DSCAML1: variants seen among roughly 807,000 people sequenced by gnomAD.
DSCAML1 encodes cell adhesion molecule DSCAML1.
A neutral mutation model predicts 200.5 loss-of-function variants in DSCAML1; 38 were observed. The ratio of observed to expected loss-of-function variants is 0.19; its 90% CI spans 0.15 to 0.25. The LOEUF (loss-of-function observed/expected upper bound fraction) is 0.25. Among genes scored for constraint, DSCAML1 ranks in the 10% least tolerant of loss-of-function variants. The pLI, the probability that DSCAML1 is intolerant of heterozygous loss-of-function variation, is 1.00. For missense variants in DSCAML1, 2,223 were observed against 2,858.8 expected (o/e 0.78, Z 5.07); for synonymous variants, 1,215 against 1,165.0 (o/e 1.04, Z -0.87).
chr11:117,707,889 C>T (rs1015999210), intron 3 of DSCAML1, among the ~76,000 whole-genome samples: 2 of 152,210 alleles, frequency 1.3e-5, no homozygotes, highest in Non-Finnish European at 2.9e-5. Flanking sequence ...CCTTCTGAAG[C>T]AATCTCATAA....
intron 3 of DSCAML1, among the ~76,000 whole-genome samples, chr11:117,742,945 T>C (rs776879907): frequency 6.6e-6 from 1 of 152,148 alleles, no homozygotes; most frequent in African/African-American, 2.4e-5. Flanking sequence ...AGGTGGCCTC[T>C]CCCTGTCTCC....
chr11:117,552,710 C>T (rs1248583866), intron 3 of DSCAML1, among the ~76,000 whole-genome samples: 1 of 152,188 alleles, frequency 6.6e-6, no homozygotes, highest in African/African-American at 2.4e-5. Context: ...GAGGTCGAGA[C>T]AACAGGTTCA....
intron 14 of DSCAML1, among the ~76,000 whole-genome samples, chr11:117,474,239 T>C (rs1013242072): frequency 6.6e-6 from 1 of 152,256 alleles, no homozygotes; most frequent in African/African-American, 2.4e-5. Flanking sequence ...TCCTGGCTTT[T>C]TGGGTGTATT....
rs2049297517 is a variant in DSCAML1, at chr11:117,496,837, CAG to C, written c.2359+7006_2359+7007del. On this transcript the variant is annotated intron_variant, in intron 11 of 32. Transcript: ENST00000651296. ...CCTTTAATAAAACCTCCCTGCTTGT[CAG>C]GGGACCAGGGCGAGGATGGAGATTG... Among the ~76,000 whole-genome samples the C allele has an allele frequency of 2.0e-5, 3 of 152,330 alleles. No individual in the cohort carries two copies. In the South Asian group the frequency reaches 6.2e-4, roughly 32 times the overall value.
intron 3 of DSCAML1, among the ~76,000 whole-genome samples, chr11:117,684,434 C>CCAAAAAAA (rs2053366688): frequency 6.0e-5 from 3 of 50,290 alleles, no homozygotes; most frequent in Non-Finnish European, 9.0e-5. Flanking sequence ...ATTTCATTAA[C>CCAAAAAAA]TAAAAAAAAA....
At chr11:117,600,395 G>A (rs536341122) in intron 3 of DSCAML1, among the ~76,000 whole-genome samples, 1 of 152,292 alleles carries the variant, frequency 6.6e-6, no homozygotes, top group Admixed American at 6.5e-5. Context: ...TACGGTTGTA[G>A]AGCCGAATCT....
intron 1 of DSCAML1, among the ~76,000 whole-genome samples, chr11:117,796,490 C>T (rs988088637): frequency 6.6e-6 from 1 of 152,250 alleles, no homozygotes; most frequent in Admixed American, 6.5e-5. Context: ...TCTCACTATC[C>T]CCACCCTGCC....
At position 117,437,459 on chromosome 11, in the gene DSCAML1, A is replaced by AGGACT. The variant is rs747636071; in HGVS notation, c.4433-55_4433-51dup. 1.9e-6 allele frequency: 3 copies of AGGACT among 1,577,400 alleles called. No homozygotes were observed. The highest frequency in any genetic ancestry group is 2.6e-6 in the Non-Finnish European group (3 of 1,157,348). On this transcript the variant is annotated intron_variant, in intron 25 of 32. Coordinates refer to ENST00000651296, the MANE Select transcript of DSCAML1 (RefSeq NM_020693.4). This position sits in a 1 kb window ranked among gnomAD's most constrained non-coding sequence, Gnocchi z 5.3. ...AGGTTAGAGAGATTTGGTGGGAGGC[A>AGGACT]GGACTGGACTGGGCTGGGCTGGAAA...
intron 3 of DSCAML1, among the ~76,000 whole-genome samples, chr11:117,758,325 G>A (rs180677825): frequency 6.7e-6 from 1 of 150,344 alleles, no homozygotes; most frequent in Non-Finnish European, 1.5e-5. Flanking sequence ...TCTACCGTAA[G>A]TTATTTAATC....
At chr11:117,669,868 G>A (rs1193074525) in intron 3 of DSCAML1, among the ~76,000 whole-genome samples, 1 of 152,220 alleles carries the variant, frequency 6.6e-6, no homozygotes, top group Non-Finnish European at 1.5e-5. Context: ...AGCTCAATGA[G>A]CAACGGGGCC....
At chr11:117,697,846 A>G (rs1330387446) in intron 3 of DSCAML1, among the ~76,000 whole-genome samples, 1 of 148,852 alleles carries the variant, frequency 6.7e-6, no homozygotes, top group Non-Finnish European at 1.5e-5. Context: ...ATCTTGGCTC[A>G]CTGCAACCTC....
chr11:117,495,409 G>C (rs1271404293), intron 11 of DSCAML1, among the ~76,000 whole-genome samples: 1 of 152,182 alleles, frequency 6.6e-6, no homozygotes, highest in Non-Finnish European at 1.5e-5. Flanking sequence ...GCCACGTCTA[G>C]AGTCTCTGTG....
upstream of DSCAML1, among the ~76,000 whole-genome samples, chr11:117,800,266 G>A (rs553355013): frequency 7.2e-5 from 11 of 152,282 alleles, no homozygotes; most frequent in East Asian, 3.9e-4. Flanking sequence ...ATGAAACGCC[G>A]GGGAAGAGAG....
chr11:117,703,209 C>T (rs568119376), intron 3 of DSCAML1, among the ~76,000 whole-genome samples: 3 of 152,284 alleles, frequency 2.0e-5, no homozygotes, highest in East Asian at 1.9e-4. Flanking sequence ...GAATATTGCT[C>T]GGAGCTCCAG....
chr11:117,647,359 G>A (rs1212545039), intron 3 of DSCAML1, among the ~76,000 whole-genome samples: 1 of 152,224 alleles, frequency 6.6e-6, no homozygotes, highest in Non-Finnish European at 1.5e-5. Context: ...GTCTGTGCAG[G>A]AGTCCACTCC....
intron 3 of DSCAML1, chr11:117,709,816 T>C (rs1274723864): frequency 4.4e-6 from 2 of 453,658 alleles, no homozygotes; most frequent in African/African-American, 4.0e-5. Context: ...CCTAGGGAGC[T>C]GGTCCCAGCC....
Position 117,438,870 on chromosome 11 carries a change from C to A in DSCAML1, c.4243+15G>T, listed in dbSNP as rs756486208. On this transcript the variant is annotated intron_variant, in intron 24 of 32. Transcript: ENST00000651296. ...TCCTTCCCCTATCTTCCCCCGCATC[C>A]AGACCCCTCCTCACCTCGGATGGAG... 1 of 1,559,826 alleles carries A rather than the reference C, an allele frequency of 6.4e-7. No homozygotes were observed. Among genetic ancestry groups the A allele is most frequent in the South Asian group, 1.2e-5 (1 of 81,208 alleles).
intron 3 of DSCAML1, among the ~76,000 whole-genome samples, chr11:117,591,643 T>C (rs2051261242): frequency 6.6e-6 from 1 of 152,224 alleles, no homozygotes; most frequent in Non-Finnish European, 1.5e-5. Flanking sequence ...TTGCATTCCT[T>C]CGGAGTCCTC....
At chr11:117,431,311 T>G (rs2047787768) in intron 31 of DSCAML1, among the ~76,000 whole-genome samples, 1 of 152,232 alleles carries the variant, frequency 6.6e-6, no homozygotes, top group Admixed American at 6.5e-5. Flanking sequence ...TCTCTGACAG[T>G]TTTTGGGAAA....
Sources: allele counts gnomAD v4.1 joint callset (sites outside exome capture counted in the v4.1 genomes callset), GRCh38; gene constraint gnomAD v4.1.1; non-coding constraint Gnocchi (gnomAD v3.1); transcripts MANE v1.5; gene names NCBI Gene and HGNC (gene_info 2026-07-23, HGNC 2026-07-21).